XYLT1: variants seen among roughly 807,000 people sequenced by gnomAD.
XYLT1 encodes xylosyltransferase 1.
A neutral mutation model predicts 91.3 loss-of-function variants in XYLT1; 36 were observed. That is an observed-to-expected ratio of 0.39 (90% CI 0.30 to 0.52). The LOEUF (loss-of-function observed/expected upper bound fraction) is 0.52. Among genes scored for constraint, XYLT1 ranks in the 20% least tolerant of loss-of-function variants. The pLI, the probability that XYLT1 is intolerant of heterozygous loss-of-function variation, is 0.68. For synonymous variants in XYLT1, 588 were observed against 532.0 expected, an observed-to-expected ratio of 1.11 and a Z score of -1.45; for missense variants, 1,242 against 1,284.5, an observed-to-expected ratio of 0.97 and a Z score of 0.51.
intron 2 of XYLT1, among the ~76,000 whole-genome samples, chr16:17,277,139 A>G (rs528921065): frequency 1.3e-5 from 2 of 152,212 alleles, no homozygotes; most frequent in Admixed American, 6.5e-5. Context: ...CCATCCTACC[A>G]ACAACTCAAT....
In XYLT1 at chr16:17,113,956, C is replaced by T. The variant is rs1459062004; in HGVS notation, c.2557+3690G>A. Among the ~76,000 whole-genome samples, 4 of 151,892 alleles carry T rather than the reference C, an allele frequency of 2.6e-5. No homozygotes were observed. In the East Asian group the frequency reaches 5.8e-4, roughly 22 times the overall value. On this transcript the variant is annotated intron_variant, in intron 11 of 11. Coordinates refer to ENST00000261381, the MANE Select transcript of XYLT1 (RefSeq NM_022166.4). ...ATCCACCTGCCAGGAGGGTGGTGCA[C>T]CCCAATGCCATGGGGACAGATTCAT...
intron 9 of XYLT1, 140 bp downstream of exon 9, chr16:17,134,333 G>A (rs2030620309): frequency 8.3e-7 from 1 of 1,210,592 alleles, no homozygotes; most frequent in Non-Finnish European, 1.1e-6. Flanking sequence ...CGTTAGATGA[G>A]TTTTGGGCAA....
At chr16:17,111,263 G>T (rs568912721) in intron 11 of XYLT1, among the ~76,000 whole-genome samples, 282 of 152,312 alleles carry the variant, frequency 1.9e-3, no homozygotes, top group Non-Finnish European at 3.1e-3. Flanking sequence ...GCACGATGAG[G>T]AATCAGGAAG....
chr16:17,285,939 TGA>T (rs759536733), intron 2 of XYLT1, among the ~76,000 whole-genome samples: 1 of 120,104 alleles, frequency 8.3e-6, no homozygotes, highest in Non-Finnish European at 1.8e-5. Context: ...TGTGAGTGAG[TGA>T]GAGAGAGAGA....
At chr16:17,163,953 G>C (rs776666487) in intron 5 of XYLT1, among the ~76,000 whole-genome samples, 2 of 138,404 alleles carry the variant, frequency 1.4e-5, no homozygotes, top group South Asian at 5.0e-4. Flanking sequence ...CAGGAGAATC[G>C]CTTGAACCCA....
chr16:17,283,182 C>T (rs2034083365), intron 2 of XYLT1, among the ~76,000 whole-genome samples: 1 of 152,226 alleles, frequency 6.6e-6, no homozygotes, highest in Non-Finnish European at 1.5e-5. Context: ...ACTGGCACGT[C>T]TGGAGGCAAA....
intron 2 of XYLT1, 74 bp downstream of exon 2, chr16:17,357,938 G>A (rs2035324374): frequency 6.5e-7 from 1 of 1,545,598 alleles, no homozygotes; most frequent in Non-Finnish European, 8.8e-7. Context: ...GCCTTTCAGA[G>A]CCACGGGACA....
intron 1 of XYLT1, among the ~76,000 whole-genome samples, chr16:17,421,962 C>G (rs115439466): frequency 6.6e-6 from 1 of 151,972 alleles, no homozygotes; most frequent in Non-Finnish European, 1.5e-5. Context: ...CTAAGCCTTC[C>G]AAGTAGTTAG....
At position 17,108,984 on chromosome 16, in the gene XYLT1, C is replaced by A. The variant is rs531190343; in HGVS notation, c.2591G>T (p.Arg864Leu). Residue 864 changes from arginine (R) to leucine (L), a missense_variant, in exon 12 of 12, where the codon CGC becomes CTC. Around this residue, in one of 3 missense-constraint regions of XYLT1, gnomAD observed 511 missense variants for 497.0 expected, o/e 1.03. Coordinates refer to ENST00000261381, the MANE Select transcript of XYLT1 (RefSeq NM_022166.4). ...GAAGCTCTGCTCCATGTAGGCATTG[C>A]GGAGGGGCCCATTGTGCAGCTTCAG... ...EALKLHNGPL[R>L]NAYMEQSFQS... The A allele has an allele frequency of 6.5e-7, 1 of 1,548,566 alleles. No homozygotes were observed. Among genetic ancestry groups the A allele is most frequent in the Non-Finnish European group, 8.8e-7 (1 of 1,139,920 alleles).
chr16:17,292,066 G>T (rs890420676), intron 2 of XYLT1, among the ~76,000 whole-genome samples: 19 of 147,032 alleles, frequency 1.3e-4, no homozygotes, highest in Admixed American at 1.3e-3. Context: ...GGGCATGGTG[G>T]TGCCCACTAA....
chr16:17,440,512 G>T (rs2141940959), intron 1 of XYLT1, among the ~76,000 whole-genome samples: 1 of 152,276 alleles, frequency 6.6e-6, no homozygotes, highest in East Asian at 1.9e-4. Flanking sequence ...TTAATTACAT[G>T]AACAAGTAGC....
At chr16:17,368,553 G>C (rs2035483914) in intron 1 of XYLT1, among the ~76,000 whole-genome samples, 1 of 126,720 alleles carries the variant, frequency 7.9e-6, no homozygotes, top group Non-Finnish European at 1.7e-5. Context: ...CATAAAGACT[G>C]GATAGATAGA....
At chr16:17,321,929 G>A (rs9925059) in intron 2 of XYLT1, among the ~76,000 whole-genome samples, 36,327 of 152,052 alleles carry the variant, frequency 0.24, 4,789 homozygotes, top group African/African-American at 0.34. Context: ...GGAGGACAGC[G>A]CAGCCTTGCT....
intron 1 of XYLT1, among the ~76,000 whole-genome samples, chr16:17,395,045 A>T (rs565615931): frequency 6.6e-6 from 1 of 152,344 alleles, no homozygotes; most frequent in Admixed American, 6.5e-5. Context: ...ACTCACTCAC[A>T]GTTCCACATG....
At chr16:17,426,820 G>A (rs1163272481) in intron 1 of XYLT1, among the ~76,000 whole-genome samples, 1 of 152,110 alleles carries the variant, frequency 6.6e-6, no homozygotes, top group African/African-American at 2.4e-5. Flanking sequence ...ATATGACTAA[G>A]GAGAGAGGAA....
At chr16:17,169,513 A>G (rs946962558) in intron 5 of XYLT1, among the ~76,000 whole-genome samples, 1 of 152,202 alleles carries the variant, frequency 6.6e-6, no homozygotes, top group Non-Finnish European at 1.5e-5. Context: ...CTGATGTTCT[A>G]TCAATGAGAA....
At chr16:17,251,929 G>A (rs2033546914) in intron 3 of XYLT1, among the ~76,000 whole-genome samples, 1 of 152,000 alleles carries the variant, frequency 6.6e-6, no homozygotes, top group Admixed American at 6.6e-5. Context: ...GGGAGTTGTG[G>A]GGACAGGGAG....
intron 5 of XYLT1, among the ~76,000 whole-genome samples, chr16:17,197,015 A>ATATG (rs1491568666): frequency 6.7e-5 from 6 of 90,224 alleles, no homozygotes; most frequent in African/African-American, 4.7e-4. Context: ...TGTCTCCAAA[A>ATATG]TATATATATA....
At chr16:17,369,170 C>T (rs187341681) in intron 1 of XYLT1, among the ~76,000 whole-genome samples, 315 of 144,182 alleles carry the variant, frequency 2.2e-3, no homozygotes, top group Non-Finnish European at 3.7e-3. Context: ...TTGCTTGTCA[C>T]GCAAGCTAGA....
Sources: allele counts gnomAD v4.1 joint callset (sites outside exome capture counted in the v4.1 genomes callset), GRCh38; gene constraint gnomAD v4.1.1; regional missense constraint gnomAD v4.1.1; transcripts MANE v1.5; gene names NCBI Gene and HGNC (gene_info 2026-07-23, HGNC 2026-07-21).